Variants in PBLD observed in about 807,000 individuals in gnomAD.
PBLD encodes phenazine biosynthesis-like domain-containing protein.
In PBLD, 26 loss-of-function variants were observed where a neutral mutation model predicts 31.3. The ratio of observed to expected loss-of-function variants is 0.83; its 90% CI spans 0.61 to 1.15. PBLD has a LOEUF of 1.15. Among genes scored for constraint, PBLD ranks in the 50% most tolerant of loss-of-function variants. The pLI, the probability that PBLD is intolerant of heterozygous loss-of-function variation, is 0.00. For missense variants in PBLD, 307 were observed against 351.7 expected (o/e 0.87, Z 1.02); for synonymous variants, 114 against 129.0 (o/e 0.88, Z 0.79).
chr10:68,325,575 C>T (rs1415237738), intron 1 of PBLD, among the ~76,000 whole-genome samples: 2 of 152,028 alleles, frequency 1.3e-5, no homozygotes, highest in Non-Finnish European at 2.9e-5. Flanking sequence ...AAAAACAATA[C>T]AAAAAAACCC....
intron 2 of PBLD, among the ~76,000 whole-genome samples, chr10:68,301,811 C>T (rs2044509408): frequency 6.6e-6 from 1 of 152,212 alleles, no homozygotes; most frequent in Non-Finnish European, 1.5e-5. Context: ...GACGCAAAGT[C>T]CACTGCCCAC....
intron 9 of PBLD, 37 bp from the exon 10 acceptor site, chr10:68,284,326 C>T: frequency 1.3e-6 from 2 of 1,535,340 alleles, no homozygotes; most frequent in Non-Finnish European, 1.8e-6. Flanking sequence ...AGAGTATTTT[C>T]ACCCTTTTAA....
chr10:68,306,457 A>G (rs2044580237), intron 2 of PBLD, among the ~76,000 whole-genome samples: 1 of 152,216 alleles, frequency 6.6e-6, no homozygotes, highest in South Asian at 2.1e-4. Context: ...CATTCTCCTC[A>G]ACACTTGGTG....
At chr10:68,301,361 C>T (rs577998825) in intron 2 of PBLD, among the ~76,000 whole-genome samples, 5 of 152,196 alleles carry the variant, frequency 3.3e-5, no homozygotes, top group Non-Finnish European at 7.4e-5. Flanking sequence ...GAGGGGGCCA[C>T]TGGAAAGTCC....
chr10:68,285,787 T>C (rs545560734), intron 8 of PBLD, among the ~76,000 whole-genome samples: 103 of 152,214 alleles, frequency 6.8e-4, no homozygotes, highest in Middle Eastern at 3.4e-3. Flanking sequence ...CAAGCCATCC[T>C]CCTACCTCAG....
chr10:68,296,365 C>A lies in PBLD; in HGVS notation c.185-1G>T, dbSNP rs757245002. 1.9e-6 allele frequency: 3 copies of A among 1,610,376 alleles called. No homozygotes were observed. The African/African-American group carries it at 4.0e-5, about 22-fold the overall frequency. On this transcript the variant is annotated splice_acceptor_variant, in intron 3 of 9. Coordinates refer to ENST00000358769, the MANE Select transcript of PBLD (RefSeq NM_022129.4). LOFTEE classifies it high-confidence loss of function. ...AACCATCTCAGTCCAAAGCAGGAACCTGAGGATAGGAAAAGCCAAAGAGAG... is the reference window on the plus strand; with the variant it reads ...AACCATCTCAGTCCAAAGCAGGAACATGAGGATAGGAAAAGCCAAAGAGAG...
chr10:68,289,024 G>A lies in PBLD; in HGVS notation c.424-5C>T. The A allele has an allele frequency of 6.2e-7, 1 of 1,612,318 alleles. No homozygotes were observed. The highest frequency in any genetic ancestry group is 8.5e-7 in the Non-Finnish European group (1 of 1,178,688). On this transcript the variant is annotated splice_polypyrimidine_tract_variant and splice_region_variant and intron_variant, in intron 6 of 9. Transcript: ENST00000358769. ...CAGTGTGTTGCCTATGGCAGTCTGTGGAGACAGACCAAAAACTCCTCAGGG... is the reference window on the plus strand; with the variant it reads ...CAGTGTGTTGCCTATGGCAGTCTGTAGAGACAGACCAAAAACTCCTCAGGG...
chr10:68,299,217 A>C (rs2044472921), intron 2 of PBLD, among the ~76,000 whole-genome samples: 1 of 152,084 alleles, frequency 6.6e-6, no homozygotes, highest in African/African-American at 2.4e-5. Context: ...ATTTTAAAGA[A>C]GTTTCAAGAA....
intron 1 of PBLD, among the ~76,000 whole-genome samples, chr10:68,327,822 T>G (rs1395749807): frequency 6.6e-6 from 1 of 152,210 alleles, no homozygotes; most frequent in African/African-American, 2.4e-5. Flanking sequence ...GCTATCTTTT[T>G]AAGCTGCTTT....
intron 9 of PBLD, among the ~76,000 whole-genome samples, chr10:68,284,858 C>G (rs530469222): frequency 1.3e-5 from 2 of 152,370 alleles, no homozygotes; most frequent in Admixed American, 6.5e-5. Flanking sequence ...AGCCACCTTG[C>G]TCTCTCCAAA....
chr10:68,323,379 T>C (rs1316335066), intron 1 of PBLD, among the ~76,000 whole-genome samples: 3 of 152,162 alleles, frequency 2.0e-5, no homozygotes, highest in Non-Finnish European at 2.9e-5. Context: ...TGGGCCAACA[T>C]TGGGAAAACC....
intron 1 of PBLD, among the ~76,000 whole-genome samples, chr10:68,310,249 A>C (rs979936712): frequency 8.7e-5 from 13 of 150,134 alleles, no homozygotes; most frequent in African/African-American, 3.2e-4. Context: ...TATAAAGTGT[A>C]AATAAAATAA....
At chr10:68,330,427 T>C (rs768311373) in intron 1 of PBLD, among the ~76,000 whole-genome samples, 3 of 152,214 alleles carry the variant, frequency 2.0e-5, no homozygotes, top group Non-Finnish European at 2.9e-5. Flanking sequence ...TGAAAGTCTT[T>C]TGGCCGGACA....
chr10:68,292,102 T>G, intron 5 of PBLD, 27 bp downstream of exon 5: 1 of 1,606,114 alleles, frequency 6.2e-7, no homozygotes, highest in Non-Finnish European at 8.5e-7. Flanking sequence ...TGTAGATGGC[T>G]TAGGGCAATA....
chr10:68,325,115 G>C (rs556242645), intron 1 of PBLD, among the ~76,000 whole-genome samples: 1 of 151,448 alleles, frequency 6.6e-6, no homozygotes, highest in South Asian at 2.1e-4. Flanking sequence ...GCGGTGGCAG[G>C]CACCTGTAAT....
At chr10:68,314,158 G>A (rs1296908307) in intron 1 of PBLD, among the ~76,000 whole-genome samples, 1 of 151,926 alleles carries the variant, frequency 6.6e-6, no homozygotes, top group Non-Finnish European at 1.5e-5. Flanking sequence ...TGTATTTTTA[G>A]TAGAGATGGG....
At chr10:68,308,197 G>A (rs943200655) in intron 1 of PBLD, among the ~76,000 whole-genome samples, 4 of 152,106 alleles carry the variant, frequency 2.6e-5, no homozygotes, top group Non-Finnish European at 5.9e-5. Flanking sequence ...CACACCAAAT[G>A]CTTCAAAAAC....
In PBLD at chr10:68,299,106, C is replaced by CAAAA. The variant is rs35915509; in HGVS notation, c.85-2125_85-2122dup. ...TGGGTGACAGAGTGAGAGTCCGTCT[C>CAAAA]AAAAAAAAAAAAAAAAAAAAAAGTG... On this transcript the variant is annotated intron_variant, in intron 2 of 9. Coordinates refer to ENST00000358769, the MANE Select transcript of PBLD (RefSeq NM_022129.4). 1.9e-3 allele frequency among the ~76,000 whole-genome samples: 147 copies of CAAAA among 78,026 alleles called. 3 individuals are homozygous for CAAAA. The highest frequency in any genetic ancestry group is 2.4e-3 in the Non-Finnish European group (103 of 43,514). 51.2% of individuals were successfully genotyped at this position (78,026 alleles called of 152,430 possible).
intron 2 of PBLD, among the ~76,000 whole-genome samples, chr10:68,299,830 G>A (rs552275221): frequency 2.6e-5 from 4 of 152,184 alleles, no homozygotes; most frequent in Admixed American, 6.5e-5. Flanking sequence ...TCCAGCCTGG[G>A]TGACAGAGCA....
Sources: gnomAD v4.1 joint callset for allele counts (sites outside exome capture counted in the v4.1 genomes callset) on GRCh38, gnomAD v4.1.1 for gene constraint, MANE v1.5 for transcripts, NCBI Gene and HGNC (gene_info 2026-07-23, HGNC 2026-07-21) for gene names.